The following ZC3H12B variants were observed in gnomAD, a reference collection of about 807,000 sequenced individuals.
ZC3H12B encodes zinc finger CCCH-type containing 12B, also known as probable ribonuclease ZC3H12B.
In ZC3H12B, 7 loss-of-function variants were observed where a neutral mutation model predicts 43.9. The ratio of observed to expected loss-of-function variants is 0.16; its 90% CI spans 0.09 to 0.30. The LOEUF (loss-of-function observed/expected upper bound fraction) is 0.30. ZC3H12B is among the 10% of genes least tolerant of loss of function. The pLI is 1.00. For missense variants in ZC3H12B, 475 were observed against 670.2 expected, an observed-to-expected ratio of 0.71 and a Z score of 3.22; for synonymous variants, 222 against 241.7, an observed-to-expected ratio of 0.92 and a Z score of 0.76.
the ZC3H12B span, among the ~76,000 whole-genome samples, chrX:65,269,270 G>C: frequency 3.7e-5 from 4 of 109,407 alleles, no homozygotes; most frequent in Non-Finnish European, 7.6e-5. Context: ...TCTTGAAACC[G>C]GGAGGTGGAG....
At chrX:65,163,821 G>T in the ZC3H12B span, among the ~76,000 whole-genome samples, 1 of 111,740 alleles carries the variant, frequency 8.9e-6, no homozygotes, top group Non-Finnish European at 1.9e-5. Context: ...AGATGAACCC[G>T]GTACCTCAGA....
the ZC3H12B span, among the ~76,000 whole-genome samples, chrX:65,357,985 G>A: frequency 1.0e-4 from 11 of 105,836 alleles, no homozygotes; most frequent in East Asian, 2.9e-4. Context: ...TCAAAATAAA[G>A]GAATGGATGA....
the ZC3H12B span, among the ~76,000 whole-genome samples, chrX:65,224,957 A>C: frequency 8.9e-6 from 1 of 111,926 alleles, no homozygotes; most frequent in Non-Finnish European, 1.9e-5. Context: ...GCACAGACAA[A>C]CAAAAAGACA....
At chrX:65,120,366 A>C in the ZC3H12B span, among the ~76,000 whole-genome samples, 13 of 111,211 alleles carry the variant, frequency 1.2e-4, no homozygotes, top group South Asian at 1.1e-3. Context: ...TTTTCACATC[A>C]CTTGTAAGTT....
At chrX:65,085,128 G>A in the ZC3H12B span, among the ~76,000 whole-genome samples, 2 of 111,756 alleles carry the variant, frequency 1.8e-5, no homozygotes, top group African/African-American at 3.3e-5. Context: ...GGAGATGGGA[G>A]TGGGAAGGTG....
At chrX:65,068,105 C>CTTTTTTTTTTTT in the ZC3H12B span, among the ~76,000 whole-genome samples, 5 of 60,765 alleles carry the variant, frequency 8.2e-5, no homozygotes, top group African/African-American at 2.2e-4. Context: ...CTTGATGTTA[C>CTTTTTTTTTTTT]TTTTTTTTTT....
At chrX:65,439,328 C>A (rs780922233) in intron 3 of ZC3H12B, among the ~76,000 whole-genome samples, 5 of 111,997 alleles carry the variant, frequency 4.5e-5, no homozygotes, top group Admixed American at 2.8e-4. Context: ...TCTTATTATA[C>A]CTACCATCTT....
chrX:65,055,129 A>T, the ZC3H12B span, among the ~76,000 whole-genome samples: 1 of 111,286 alleles, frequency 9.0e-6, no homozygotes, highest in Admixed American at 9.6e-5. Context: ...TATGTTGAAT[A>T]GGAGTGGTGA....
At chrX:65,104,107 T>G in the ZC3H12B span, among the ~76,000 whole-genome samples, 1 of 110,558 alleles carries the variant, frequency 9.0e-6, no homozygotes, top group African/African-American at 3.3e-5. Flanking sequence ...GCCTCAGAAA[T>G]AACACCACAC....
At chrX:65,212,997 T>A in the ZC3H12B span, among the ~76,000 whole-genome samples, 1 of 108,497 alleles carries the variant, frequency 9.2e-6, no homozygotes, top group African/African-American at 3.3e-5. Flanking sequence ...TTTGTTTTTC[T>A]TGGTTTTTGA....
At position 65,393,436 on chromosome X, in the gene ZC3H12B, C is replaced by G. The variant is rs776544696; in HGVS notation, n.296-5157C>G. 2.7e-5 allele frequency among the ~76,000 whole-genome samples: 3 copies of G among 110,667 alleles called. No individual in the cohort carries two copies. The South Asian group carries it at 1.2e-3, about 43-fold the overall frequency. ...CATGCATTAGGTATTTGTCCTAATG[C>G]TCTCCATCCCCTTGCCCCACAACCC... On this transcript the variant is annotated intron_variant and non_coding_transcript_variant, in intron 2 of 5. Transcript: ENST00000617377.
At chrX:65,106,182 G>A in the ZC3H12B span, among the ~76,000 whole-genome samples, 1 of 111,386 alleles carries the variant, frequency 9.0e-6, no homozygotes, top group Non-Finnish European at 1.9e-5. Flanking sequence ...TGAACTGTAA[G>A]GTAATATAGA....
the ZC3H12B span, among the ~76,000 whole-genome samples, chrX:65,062,149 A>G: frequency 8.9e-6 from 1 of 112,056 alleles, no homozygotes; most frequent in Admixed American, 9.4e-5. Context: ...TTTGCTGAGC[A>G]GTTCTTTAGT....
At chrX:65,317,279 A>C in the ZC3H12B span, among the ~76,000 whole-genome samples, 11 of 110,577 alleles carry the variant, frequency 9.9e-5, no homozygotes, top group African/African-American at 2.3e-4. Context: ...AAATCATAGC[A>C]ACCACGGTCT....
At chrX:65,264,844 G>T in the ZC3H12B span, among the ~76,000 whole-genome samples, 3 of 111,580 alleles carry the variant, frequency 2.7e-5, no homozygotes, top group South Asian at 1.1e-3. Flanking sequence ...TCATTGTCGT[G>T]TGTATAAATG....
chrX:65,500,515 C>A (rs2068349991), intron 4 of ZC3H12B, among the ~76,000 whole-genome samples: 2 of 111,953 alleles, frequency 1.8e-5, no homozygotes, highest in South Asian at 7.5e-4. Context: ...GCAACCTCCG[C>A]TTCCCGGGTT....
chrX:65,297,079 G>A, the ZC3H12B span, among the ~76,000 whole-genome samples: 1 of 111,273 alleles, frequency 9.0e-6, no homozygotes, highest in Non-Finnish European at 1.9e-5. Context: ...TTCCACCTGA[G>A]AACTGGAACA....
At chrX:65,071,786 T>G in the ZC3H12B span, among the ~76,000 whole-genome samples, 1 of 112,132 alleles carries the variant, frequency 8.9e-6, no homozygotes, top group Non-Finnish European at 1.9e-5. Flanking sequence ...GCTCCCAATT[T>G]CTTCTGGCTT....
chrX:65,234,640 AAAG>A, the ZC3H12B span, among the ~76,000 whole-genome samples: 5 of 112,533 alleles, frequency 4.4e-5, no homozygotes, highest in Non-Finnish European at 7.5e-5. Flanking sequence ...AATAATAAAA[AAAG>A]AAGTCTATTA....
Sources: gnomAD v4.1 joint callset for allele counts (sites outside exome capture counted in the v4.1 genomes callset) on GRCh38, gnomAD v4.1.1 for gene constraint, MANE v1.5 for transcripts, NCBI Gene and HGNC (gene_info 2026-07-23, HGNC 2026-07-21) for gene names.